Variants in CENPP observed in about 807,000 individuals in gnomAD.
CENPP encodes centromere protein P.
CENPP carries 24 observed loss-of-function variants against 35.6 expected under a neutral mutation model. The ratio of observed to expected loss-of-function variants is 0.67; its 90% CI spans 0.49 to 0.95. CENPP has a LOEUF of 0.95. Ranked by LOEUF, CENPP falls within the 40% of genes least tolerant of loss-of-function variation. CENPP has a pLI of 0.00. For synonymous variants in CENPP, 120 were observed against 125.5 expected, an observed-to-expected ratio of 0.96 and a Z score of 0.29; for missense variants, 332 against 345.3, an observed-to-expected ratio of 0.96 and a Z score of 0.31.
At chr9:92,492,950 G>C (rs1192137440) in intron 5 of CENPP, among the ~76,000 whole-genome samples, 1 of 152,140 alleles carries the variant, frequency 6.6e-6, no homozygotes, top group Non-Finnish European at 1.5e-5. Context: ...AGGCGGTCAG[G>C]GGCCCAGCAG....
chr9:92,612,520 C>G lies in CENPP; in HGVS notation c.645-3C>G, dbSNP rs773933993. The G allele has an allele frequency of 6.2e-7, 1 of 1,610,786 alleles. No individual in the cohort carries two copies. Among genetic ancestry groups the G allele is most frequent in the Non-Finnish European group, 8.5e-7 (1 of 1,177,034 alleles). On this transcript the variant is annotated splice_region_variant and splice_polypyrimidine_tract_variant and intron_variant, in intron 6 of 7. Coordinates refer to ENST00000375587, the MANE Select transcript of CENPP (RefSeq NM_001012267.3). ...ATAACGACATGTTTTACTGCTTTTT[C>G]AGGTTTGAATTAGTCATTGTTTGGA...
intron 5 of CENPP, among the ~76,000 whole-genome samples, chr9:92,592,956 C>G (rs1850700688): frequency 1.3e-5 from 2 of 152,198 alleles, no homozygotes; most frequent in South Asian, 4.1e-4. Flanking sequence ...GGGACAGAAA[C>G]CCAACCTAAG....
rs10569730 is a variant in CENPP at position 92,374,241 on chromosome 9, CTGTGTGTGTG to C, written c.468-5490_468-5481del. Among the ~76,000 whole-genome samples the C allele has an allele frequency of 1.6e-3, 223 of 142,848 alleles. 1 individual carries two copies. The highest frequency in any genetic ancestry group is 4.3e-3 in the African/African-American group (164 of 38,400). 93.7% of individuals were successfully genotyped at this position (142,848 alleles called of 152,430 possible). A position where few individuals can be genotyped will look rare whatever the true frequency, so the allele number is the denominator to read the frequency against. ...TTTACTTCTGCTGTTTTGCTGTTTG[CTGTGTGTGTG>C]TGTGTGTGTGTGTGTGTGTGTGTGT... On this transcript the variant is annotated intron_variant, in intron 4 of 7. Transcript: ENST00000375587.
At chr9:92,496,350 A>G in intron 5 of CENPP, 1 of 1,602,608 alleles carries the variant, frequency 6.2e-7, no homozygotes, top group East Asian at 2.3e-5. Context: ...ACGATACTTG[A>G]GTATGATCTT....
At position 92,618,175 on chromosome 9, in the gene CENPP, CCTT is replaced by C. The variant is rs1248001652; in HGVS notation, c.*5029_*5031del. 2.2e-6 allele frequency: 1 copy of C among 453,770 alleles called. No homozygotes were observed. The highest frequency in any genetic ancestry group is 7.0e-5 in the East Asian group (1 of 14,332). 28.1% of individuals were successfully genotyped at this position (453,770 alleles called of 1,614,324 possible). ...ACACGCCATGTTCTCGGAGGAGAAG[CCTT>C]CTCTGAGATCCTCTCCTTTTGTTGA... On this transcript the variant is annotated 3_prime_UTR_variant, in exon 8 of 8. Transcript: ENST00000375587.
rs182892142 is a variant in CENPP at position 92,526,491 on chromosome 9, T to C, written c.565-84823T>C. Among the ~76,000 whole-genome samples, 3 of 151,960 alleles carry C rather than the reference T, an allele frequency of 2.0e-5. No individual in the cohort carries two copies. In the East Asian group the frequency reaches 5.8e-4, roughly 29 times the overall value. ...TACATCAACAAGTAGAAAAACTTCA[T>C]ATAAACAACCTAATAATACATCGTA... On this transcript the variant is annotated intron_variant, in intron 5 of 7. Transcript: ENST00000375587.
intron 5 of CENPP, chr9:92,403,395 G>T (rs1175004287): frequency 3.1e-6 from 5 of 1,603,594 alleles, no homozygotes; most frequent in Non-Finnish European, 4.3e-6. Context: ...AGTGTAGACT[G>T]CAGAGTCTTC....
At chr9:92,471,310 C>T (rs1845506048) in intron 5 of CENPP, among the ~76,000 whole-genome samples, 1 of 151,764 alleles carries the variant, frequency 6.6e-6, no homozygotes, top group South Asian at 2.1e-4. Context: ...AGTTCTCCTG[C>T]CTCAGCCTCC....
intron 2 of CENPP, among the ~76,000 whole-genome samples, chr9:92,336,490 C>G (rs932024463): frequency 5.9e-5 from 9 of 152,190 alleles, no homozygotes; most frequent in Admixed American, 2.6e-4. Flanking sequence ...TACCAGGTCA[C>G]TTTCATTTGT....
chr9:92,358,278 T>C (rs933391228), intron 4 of CENPP, among the ~76,000 whole-genome samples: 1 of 152,050 alleles, frequency 6.6e-6, no homozygotes, highest in African/African-American at 2.4e-5. Context: ...AGTTTCCCTC[T>C]GTCACCCAGG....
At position 92,611,363 on chromosome 9, in the gene CENPP, CCATGGGGAT is replaced by C; in HGVS notation, c.616_624del (p.Met206_Ile208del). 6.2e-7 allele frequency: 1 copy of C among 1,613,494 alleles called. No individual in the cohort carries two copies. The highest frequency in any genetic ancestry group is 8.5e-7 in the Non-Finnish European group (1 of 1,179,968). On this transcript the variant is annotated inframe_deletion, in exon 6 of 8. Coordinates refer to ENST00000375587, the MANE Select transcript of CENPP (RefSeq NM_001012267.3). The stretch of plus-strand genomic sequence containing the variant: ...CTCTCGGAGGGGCCCTCCTCCTGCT[CCATGGGGAT>C]CCGCAGCGCCAGCCGGCCAGGGTGA...
In CENPP at chr9:92,532,156, C is replaced by T. The variant is rs150521306; in HGVS notation, c.565-79158C>T. 7.9e-5 allele frequency among the ~76,000 whole-genome samples: 12 copies of T among 151,146 alleles called. No homozygotes were observed. In the South Asian group the frequency reaches 1.9e-3, roughly 24 times the overall value. The stretch of plus-strand genomic sequence containing the variant: ...GACTACAGGCACGAACTACCACACC[C>T]GGCTCGAAGATACAATTTCTATGTC... On this transcript the variant is annotated intron_variant, in intron 5 of 7. Transcript: ENST00000375587.
chr9:92,570,584 T>C (rs570451767), intron 5 of CENPP, among the ~76,000 whole-genome samples: 1 of 152,332 alleles, frequency 6.6e-6, no homozygotes, highest in South Asian at 2.1e-4. Context: ...AGGATGATGC[T>C]GGCCTAATAA....
chr9:92,386,968 A>T (rs919873085), intron 5 of CENPP, among the ~76,000 whole-genome samples: 2 of 151,430 alleles, frequency 1.3e-5, no homozygotes, highest in African/African-American at 4.9e-5. Context: ...GAATGCTGTG[A>T]ACCCAGGAGG....
At chr9:92,348,234 C>T (rs1194884737) in intron 4 of CENPP, among the ~76,000 whole-genome samples, 1 of 151,706 alleles carries the variant, frequency 6.6e-6, no homozygotes, top group Non-Finnish European at 1.5e-5. Flanking sequence ...GCCAGGATTA[C>T]AGGCATGAGC....
chr9:92,399,964 T>C (rs1843040945), intron 5 of CENPP, among the ~76,000 whole-genome samples: 2 of 152,228 alleles, frequency 1.3e-5, no homozygotes. Context: ...TACTGTTTAC[T>C]GTTTCCCTTG....
intron 5 of CENPP, 86 bp downstream of exon 5, chr9:92,379,945 A>G (rs1169402326): frequency 2.4e-6 from 2 of 844,614 alleles, no homozygotes; most frequent in African/African-American, 3.4e-5. Flanking sequence ...TCCTTTTCTT[A>G]AAAGCTTTCA....
chr9:92,442,768 G>C (rs1478091364), intron 5 of CENPP, among the ~76,000 whole-genome samples: 2 of 151,280 alleles, frequency 1.3e-5, no homozygotes, highest in Non-Finnish European at 1.5e-5. Context: ...AGAATGGCGT[G>C]AACCCGGGAG....
At chr9:92,573,421 G>A (rs1005572891) in intron 5 of CENPP, among the ~76,000 whole-genome samples, 2 of 152,206 alleles carry the variant, frequency 1.3e-5, no homozygotes, top group African/African-American at 4.8e-5. Context: ...AGCAAATATT[G>A]CAGAAGGGCA....
Sources: allele counts gnomAD v4.1 joint callset (sites outside exome capture counted in the v4.1 genomes callset), GRCh38; gene constraint gnomAD v4.1.1; transcripts MANE v1.5; gene names NCBI Gene and HGNC (gene_info 2026-07-23, HGNC 2026-07-21).